The following DLGAP1 variants were observed in gnomAD, a reference collection of about 807,000 sequenced individuals.
DLGAP1 encodes the protein disks large-associated protein 1.
In DLGAP1, 11 loss-of-function variants were observed where a neutral mutation model predicts 90.8. The ratio of observed to expected loss-of-function variants is 0.12; its 90% CI spans 0.08 to 0.20. The LOEUF (loss-of-function observed/expected upper bound fraction) is 0.20, where lower values mean the gene tolerates loss of function less well. DLGAP1 is among the 10% of genes least tolerant of loss of function. The pLI, the probability that DLGAP1 is intolerant of heterozygous loss-of-function variation, is 1.00. For missense variants in DLGAP1, 1,050 were observed against 1,333.8 expected (o/e 0.79, Z 3.31); for synonymous variants, 558 against 540.7 (o/e 1.03, Z -0.44).
chr18:3,845,371 C>A, intron 4 of DLGAP1: 2 of 1,500,644 alleles, frequency 1.3e-6, no homozygotes, highest in Non-Finnish European at 9.0e-7. Context: ...TTGAGTGAGG[C>A]AGTAAACACA....
intron 1 of DLGAP1, among the ~76,000 whole-genome samples, chr18:4,428,572 A>G (rs1357192247): frequency 1.3e-5 from 2 of 151,374 alleles, no homozygotes; most frequent in Non-Finnish European, 2.9e-5. Flanking sequence ...ACAGAGTGAG[A>G]CTCTGTTTTA....
chr18:3,892,759 A>T (rs1001458759), intron 3 of DLGAP1, among the ~76,000 whole-genome samples: 5 of 152,038 alleles, frequency 3.3e-5, no homozygotes, highest in African/African-American at 1.2e-4. Flanking sequence ...ATCTCAATTT[A>T]GGAGGTGTAG....
chr18:4,176,492 C>T (rs1442678479), intron 1 of DLGAP1, among the ~76,000 whole-genome samples: 1 of 152,218 alleles, frequency 6.6e-6, no homozygotes, highest in Non-Finnish European at 1.5e-5. Context: ...CTAACTCCTA[C>T]TTCTTAAGCT....
chr18:4,257,971 A>ATGTGTGTG (rs1491397018), intron 1 of DLGAP1, among the ~76,000 whole-genome samples: 1 of 84,564 alleles, frequency 1.2e-5, no homozygotes, highest in African/African-American at 5.2e-5. Flanking sequence ...AGAGTTATAC[A>ATGTGTGTG]TATGTGTGTG....
rs139317118 is a variant in DLGAP1, at chr18:4,277,922, T to C, written c.-266-126635A>G. ...ACTCTAAAAGCCTTTTCTCCCACCTTGTTATCCTAAAAACCTACTGTTGAG... is the reference window on the plus strand; with the variant it reads ...ACTCTAAAAGCCTTTTCTCCCACCTCGTTATCCTAAAAACCTACTGTTGAG... On this transcript the variant is annotated intron_variant, in intron 1 of 12. Transcript: ENST00000315677. Among the ~76,000 whole-genome samples the C allele has an allele frequency of 3.5e-3, 529 of 152,318 alleles. 4 individuals are homozygous for C. Among genetic ancestry groups the C allele is most frequent in the African/African-American group, 0.013 (520 of 41,576 alleles).
chr18:3,652,983 C>T (rs1428268826), intron 7 of DLGAP1, among the ~76,000 whole-genome samples: 2 of 152,154 alleles, frequency 1.3e-5, no homozygotes, highest in Non-Finnish European at 2.9e-5. Flanking sequence ...GCTCGGGTGG[C>T]CCCTCCTTCC....
intron 2 of DLGAP1, among the ~76,000 whole-genome samples, chr18:4,103,396 C>T (rs934241391): frequency 2.0e-5 from 3 of 151,870 alleles, no homozygotes; most frequent in African/African-American, 7.3e-5. Context: ...ATATTTATTT[C>T]CAGCTGTTTG....
chr18:3,739,749 A>C (rs2147619448), intron 6 of DLGAP1, among the ~76,000 whole-genome samples: 1 of 151,298 alleles, frequency 6.6e-6, no homozygotes, highest in African/African-American at 2.4e-5. Context: ...CACAATGTGC[A>C]CATGTACCCT....
intron 9 of DLGAP1, among the ~76,000 whole-genome samples, chr18:3,553,533 G>C (rs1239126199): frequency 6.6e-6 from 1 of 151,908 alleles, no homozygotes. Flanking sequence ...TAGTTTTTTT[G>C]TTTTTTGTTT....
chr18:3,949,245 G>C lies in DLGAP1; in HGVS notation c.-73+55871C>G, dbSNP rs80151317. On this transcript the variant is annotated intron_variant, in intron 3 of 12. Transcript: ENST00000315677. ...GTATTTCCCAGCCTCCCTTACAATT[G>C]GCTTGAGTTAGGTTCAAAAAATTAG... Among the ~76,000 whole-genome samples, 1,363 of 152,196 alleles carry C rather than the reference G, an allele frequency of 9.0e-3. 17 individuals are homozygous for C. Among genetic ancestry groups the C allele is most frequent in the African/African-American group, 0.032 (1,310 of 41,524 alleles).
At chr18:3,607,122 C>G (rs901285926) in intron 7 of DLGAP1, 14 of 152,206 alleles carry the variant, frequency 9.2e-5, no homozygotes, top group African/African-American at 2.9e-4. Context: ...CATGAGCCAT[C>G]GCGCCTGGCC....
chr18:3,593,214 T>G (rs2056381225), intron 7 of DLGAP1, among the ~76,000 whole-genome samples: 1 of 152,204 alleles, frequency 6.6e-6, no homozygotes, highest in Non-Finnish European at 1.5e-5. Flanking sequence ...ACAGCCATCC[T>G]CACTCTGCAG....
chr18:3,659,486 G>A (rs1470197395), intron 7 of DLGAP1, among the ~76,000 whole-genome samples: 1 of 131,830 alleles, frequency 7.6e-6, no homozygotes, highest in East Asian at 2.2e-4. Flanking sequence ...TTCATAGTCT[G>A]CAGAAGTGTT....
intron 1 of DLGAP1, among the ~76,000 whole-genome samples, chr18:4,178,202 A>AACACACACACACACACAC (rs59444096): frequency 8.4e-5 from 10 of 118,478 alleles, no homozygotes; most frequent in African/African-American, 2.6e-4. Flanking sequence ...TCCTGGAATA[A>AACACACACACACACACAC]ACACACACAC....
At chr18:4,127,704 G>A (rs899761357) in intron 2 of DLGAP1, among the ~76,000 whole-genome samples, 2 of 152,044 alleles carry the variant, frequency 1.3e-5, no homozygotes, top group African/African-American at 4.8e-5. Context: ...CTATTTTATT[G>A]CTAATTTGTC....
chr18:4,163,656 A>C (rs72858752), intron 1 of DLGAP1, among the ~76,000 whole-genome samples: 5,946 of 152,306 alleles, frequency 0.039, 147 homozygotes, highest in South Asian at 0.08. Flanking sequence ...TAATTAGCTA[A>C]GACAGTCCAT....
intron 1 of DLGAP1, among the ~76,000 whole-genome samples, chr18:4,281,741 T>C (rs1453829100): frequency 6.6e-6 from 1 of 152,204 alleles, no homozygotes; most frequent in Non-Finnish European, 1.5e-5. Context: ...GTTAAGCTCA[T>C]TTCTTAATTT....
chr18:4,236,610 A>AT (rs541467946), intron 1 of DLGAP1, among the ~76,000 whole-genome samples: 4 of 151,972 alleles, frequency 2.6e-5, no homozygotes, highest in Admixed American at 6.6e-5. Flanking sequence ...TTTTATAAAT[A>AT]TTTTTTTCCC....
At chr18:4,239,775 C>A (rs188227844) in intron 1 of DLGAP1, among the ~76,000 whole-genome samples, 91 of 152,222 alleles carry the variant, frequency 6.0e-4, no homozygotes, top group African/African-American at 2.0e-3. Context: ...GAAACAGAAT[C>A]TAAAATAATA....
Sources: allele counts gnomAD v4.1 joint callset (sites outside exome capture counted in the v4.1 genomes callset), GRCh38; gene constraint gnomAD v4.1.1; transcripts MANE v1.5; gene names NCBI Gene and HGNC (gene_info 2026-07-23, HGNC 2026-07-21).